The following TIAM1 variants were observed in gnomAD, a reference collection of about 807,000 sequenced individuals.
The protein encoded by TIAM1 is rho guanine nucleotide exchange factor TIAM1.
A neutral mutation model predicts 163.5 loss-of-function variants in TIAM1; 65 were observed. That is an observed-to-expected ratio of 0.40 (90% CI 0.33 to 0.49). The LOEUF is 0.49. Ranked by LOEUF, TIAM1 falls within the 20% of genes least tolerant of loss-of-function variation. The probability of loss-of-function intolerance (pLI) is 0.77; values close to 1 mark genes in which losing one functional copy is unlikely to be tolerated. For missense variants in TIAM1, 1,789 were observed against 2,044.7 expected, an observed-to-expected ratio of 0.87 and a Z score of 2.41; for synonymous variants, 833 against 810.1, an observed-to-expected ratio of 1.03 and a Z score of -0.48.
chr21:31,282,784 A>G (rs998725152), intron 2 of TIAM1, among the ~76,000 whole-genome samples: 1 of 152,234 alleles, frequency 6.6e-6, no homozygotes, highest in South Asian at 2.1e-4. Flanking sequence ...TAGCCCCACC[A>G]TATTTCAAAG....
intron 2 of TIAM1, among the ~76,000 whole-genome samples, chr21:31,360,527 C>A: frequency 6.6e-6 from 1 of 151,168 alleles, no homozygotes; most frequent in East Asian, 1.9e-4. Flanking sequence ...CATTAAAAAG[C>A]CAGTAACTGA....
At chr21:31,157,753 C>T (rs1353876034) in intron 16 of TIAM1, among the ~76,000 whole-genome samples, 1 of 152,092 alleles carries the variant, frequency 6.6e-6, no homozygotes, top group African/African-American at 2.4e-5. Flanking sequence ...GCAAATTCCA[C>T]GCAGACAGTG....
intron 2 of TIAM1, among the ~76,000 whole-genome samples, chr21:31,433,030 G>A (rs955073761): frequency 6.6e-5 from 10 of 152,132 alleles, no homozygotes; most frequent in Admixed American, 1.3e-4. Context: ...AATGTATGTG[G>A]GTATGTCTTT....
intron 1 of TIAM1, among the ~76,000 whole-genome samples, chr21:31,501,251 T>C (rs58326682): frequency 0.027 from 4,043 of 152,152 alleles, 182 homozygotes; most frequent in African/African-American, 0.093. Context: ...CCCACGTACA[T>C]TGCACCCTCC....
At chr21:31,229,435 C>T (rs1288958829) in intron 6 of TIAM1, among the ~76,000 whole-genome samples, 1 of 152,094 alleles carries the variant, frequency 6.6e-6, no homozygotes, top group African/African-American at 2.4e-5. Context: ...TATGATACCT[C>T]ATATTCCGGT....
chr21:31,319,045 A>C (rs896759971), intron 2 of TIAM1, among the ~76,000 whole-genome samples: 1 of 152,124 alleles, frequency 6.6e-6, no homozygotes, highest in African/African-American at 2.4e-5. Flanking sequence ...CTGAGTTTTG[A>C]ATCAAATTTT....
At chr21:31,451,127 G>A (rs1043869593) in intron 2 of TIAM1, among the ~76,000 whole-genome samples, 3 of 151,980 alleles carry the variant, frequency 2.0e-5, no homozygotes, top group African/African-American at 7.3e-5. Flanking sequence ...GCTAGGATAG[G>A]CCCCGGCATC....
intron 2 of TIAM1, among the ~76,000 whole-genome samples, chr21:31,446,027 G>A (rs548120615): frequency 3.9e-5 from 6 of 152,062 alleles, no homozygotes; most frequent in South Asian, 2.1e-4. Context: ...TGCAATCTCG[G>A]CCTCCCAGGT....
At chr21:31,540,663 G>A (rs2048293502) in intron 1 of TIAM1, among the ~76,000 whole-genome samples, 1 of 152,176 alleles carries the variant, frequency 6.6e-6, no homozygotes, top group African/African-American at 2.4e-5. Flanking sequence ...AAGCTAGAAA[G>A]GACCTCAGAA....
chr21:31,281,943 C>G (rs889443543), intron 2 of TIAM1, among the ~76,000 whole-genome samples: 2 of 152,024 alleles, frequency 1.3e-5, no homozygotes, highest in African/African-American at 4.8e-5. Flanking sequence ...TTAAGTGGCT[C>G]AGAAATTAAA....
chr21:31,492,978 T>C (rs565941146), intron 1 of TIAM1, among the ~76,000 whole-genome samples: 9 of 114,406 alleles, frequency 7.9e-5, no homozygotes, highest in African/African-American at 3.5e-4. Context: ...TTAATAGTTA[T>C]GTATTTTTTT....
rs34844399 is a variant in TIAM1, at chr21:31,438,179, C to CTTT, written c.-369+25801_-369+25803dup. On this transcript the variant is annotated intron_variant, in intron 2 of 28. Transcript: ENST00000286827. Reference sequence around the variant, plus strand: ...ACATATGTAATTGCGTATTTGTGATCTTTTTTTTTTTTTTTTTTTTTTTTT... The same window carrying CTTT: ...ACATATGTAATTGCGTATTTGTGATCTTTTTTTTTTTTTTTTTTTTTTTTTTTT... Among the ~76,000 whole-genome samples the CTTT allele has an allele frequency of 3.8e-3, 236 of 62,726 alleles. 32 individuals carry two copies. The highest frequency in any genetic ancestry group is 5.5e-3 in the African/African-American group (79 of 14,288). The allele number at this position is 62,726 out of a possible 152,430, so 41.2% of individuals were successfully genotyped here. A position where few individuals can be genotyped will look rare whatever the true frequency, so the allele number is the denominator to read the frequency against.
intron 10 of TIAM1, 114 bp from the exon 11 acceptor site, chr21:31,210,329 C>CG: frequency 8.8e-7 from 1 of 1,140,378 alleles, no homozygotes; most frequent in Non-Finnish European, 1.3e-6. Context: ...AGGGCAGAAG[C>CG]GGAGGCAGTG....
rs77198103 is a variant in TIAM1, at chr21:31,402,258, C to A, written c.-369+61725G>T. ...AAATTGGAATTGAGACACTGTGAGA[C>A]TAAGACAGTTACCTAGAGGAAAGGT... On this transcript the variant is annotated intron_variant, in intron 2 of 28. Transcript: ENST00000286827. Among the ~76,000 whole-genome samples the A allele has an allele frequency of 4.1e-3, 625 of 152,062 alleles. 2 individuals carry two copies. Among genetic ancestry groups the A allele is most frequent in the African/African-American group, 0.013 (547 of 41,492 alleles).
At chr21:31,369,435 G>A (rs200263791) in intron 2 of TIAM1, among the ~76,000 whole-genome samples, 3 of 110,972 alleles carry the variant, frequency 2.7e-5, no homozygotes, top group South Asian at 3.2e-4. Flanking sequence ...GATAAGGAAA[G>A]GTTGCTTAAC....
intron 2 of TIAM1, among the ~76,000 whole-genome samples, chr21:31,429,394 A>G (rs1602257144): frequency 6.6e-6 from 1 of 152,142 alleles, no homozygotes; most frequent in East Asian, 1.9e-4. Context: ...TCTTTTTCTG[A>G]GGATCTGTCC....
In TIAM1 at chr21:31,361,384, G is replaced by A. The variant is rs192795200; in HGVS notation, c.-368-21962C>T. ...TATGATTCCATAAAAATCAAGCCTG[G>A]TTGTTATCTTTAGGAGGCAGGGAGA... is the stretch of plus-strand genomic sequence containing the variant. On this transcript the variant is annotated intron_variant, in intron 2 of 28. Transcript: ENST00000286827. Among the ~76,000 whole-genome samples, 30 of 152,198 alleles carry A rather than the reference G, an allele frequency of 2.0e-4. No homozygotes were observed. In the East Asian group the frequency reaches 5.8e-3, roughly 29 times the overall value.
intron 1 of TIAM1, among the ~76,000 whole-genome samples, chr21:31,537,411 T>C (rs1334253133): frequency 1.3e-5 from 2 of 149,912 alleles, no homozygotes; most frequent in Non-Finnish European, 2.9e-5. Context: ...AGCACGCCTG[T>C]GCTTATATAA....
rs149026995 is a variant in TIAM1 at position 31,362,956 on chromosome 21, C to T, written c.-368-23534G>A. On this transcript the variant is annotated intron_variant, in intron 2 of 28. Coordinates refer to the TIAM1 transcript ENST00000286827. ...ATTGGTGGAAGAGACTATTCCTTTC[C>T]CCCTTTATTTGTAATGTTTTCCTCT... 3.0e-3 allele frequency among the ~76,000 whole-genome samples: 455 copies of T among 151,900 alleles called. 3 individuals are homozygous for T. Among genetic ancestry groups the T allele is most frequent in the African/African-American group, 0.011 (442 of 41,412 alleles).
Sources: allele counts gnomAD v4.1 joint callset (sites outside exome capture counted in the v4.1 genomes callset), GRCh38; gene constraint gnomAD v4.1.1; transcripts MANE v1.5; gene names NCBI Gene and HGNC (gene_info 2026-07-23, HGNC 2026-07-21).